Variants in SLC41A2 observed in about 807,000 individuals in gnomAD.
SLC41A2 encodes the protein SLC41A1-like 1.
SLC41A2 carries 32 observed loss-of-function variants against 58.3 expected under a neutral mutation model. The observed-to-expected ratio is 0.55, with a 90% CI of 0.41 to 0.74. SLC41A2 has a LOEUF of 0.74. Ranked by LOEUF, SLC41A2 falls within the 30% of genes least tolerant of loss-of-function variation. The pLI is 0.00. For missense variants in SLC41A2, 514 were observed against 680.6 expected, an observed-to-expected ratio of 0.76 and a Z score of 2.72; for synonymous variants, 190 against 235.0, an observed-to-expected ratio of 0.81 and a Z score of 1.75.
intron 1 of SLC41A2, among the ~76,000 whole-genome samples, chr12:104,939,012 A>C (rs1361762453): frequency 6.6e-6 from 1 of 152,208 alleles, no homozygotes; most frequent in Non-Finnish European, 1.5e-5. Flanking sequence ...TTAACACCAA[A>C]AATGTAGAAA....
At chr12:104,892,326 T>A (rs201057709) in intron 4 of SLC41A2, among the ~76,000 whole-genome samples, 7,176 of 122,888 alleles carry the variant, frequency 0.058, 755 homozygotes, top group African/African-American at 0.16. Context: ...TAAAATAAAA[T>A]AAAATAAAAT....
chr12:104,878,301 A>T (rs61938783), intron 6 of SLC41A2, among the ~76,000 whole-genome samples: 12 of 19,130 alleles, frequency 6.3e-4, no homozygotes, highest in Admixed American at 2.8e-3. Context: ...CCTGTATTTT[A>T]TATATATATA....
intron 4 of SLC41A2, among the ~76,000 whole-genome samples, chr12:104,892,386 T>A (rs2045052431): frequency 6.6e-6 from 1 of 151,916 alleles, no homozygotes; most frequent in Non-Finnish European, 1.5e-5. Flanking sequence ...AGATATTCTA[T>A]GTTCATGGAT....
intron 2 of SLC41A2, among the ~76,000 whole-genome samples, chr12:104,910,554 A>G (rs973489663): frequency 1.7e-4 from 26 of 152,196 alleles, no homozygotes; most frequent in Non-Finnish European, 2.6e-4. Context: ...CTTCTCAGCC[A>G]AGGGCATTCC....
intron 6 of SLC41A2, among the ~76,000 whole-genome samples, chr12:104,885,163 T>G (rs1279714421): frequency 6.6e-6 from 1 of 152,154 alleles, no homozygotes; most frequent in East Asian, 1.9e-4. Context: ...GAGCTTACAT[T>G]TAGGCCATTG....
At chr12:104,810,467 T>C (rs1008691823) in intron 10 of SLC41A2, among the ~76,000 whole-genome samples, 1 of 152,258 alleles carries the variant, frequency 6.6e-6, no homozygotes, top group African/African-American at 2.4e-5. Flanking sequence ...TATACACAGA[T>C]TTATATATTA....
chr12:104,935,310 T>C (rs1487855958), intron 1 of SLC41A2, among the ~76,000 whole-genome samples: 2 of 151,864 alleles, frequency 1.3e-5, no homozygotes, highest in African/African-American at 2.4e-5. Context: ...CCACAGTTAA[T>C]AATGTATTCT....
At chr12:104,882,510 C>G (rs1310648590) in intron 6 of SLC41A2, among the ~76,000 whole-genome samples, 1 of 152,064 alleles carries the variant, frequency 6.6e-6, no homozygotes, top group African/African-American at 2.4e-5. Flanking sequence ...TTAGGGCAGG[C>G]CTGGTGGTGA....
At chr12:104,824,096 G>T (rs1312067334) in intron 10 of SLC41A2, among the ~76,000 whole-genome samples, 1 of 152,174 alleles carries the variant, frequency 6.6e-6, no homozygotes, top group East Asian at 1.9e-4. Context: ...GGGAAGTGCT[G>T]TGTGGAGGAG....
In SLC41A2 at chr12:104,908,475, A is replaced by C. The variant is rs115169125; in HGVS notation, c.663+1180T>G. Among the ~76,000 whole-genome samples, 1,303 of 152,312 alleles carry C rather than the reference A, an allele frequency of 8.6e-3. 16 individuals carry two copies. Among genetic ancestry groups the C allele is most frequent in the African/African-American group, 0.029 (1,202 of 41,560 alleles). On this transcript the variant is annotated intron_variant, in intron 3 of 10. Coordinates refer to ENST00000258538, the MANE Select transcript of SLC41A2 (RefSeq NM_001352171.3). The stretch of plus-strand genomic sequence containing the variant: ...CCATTTCTTGATTACCTTTAGATAC[A>C]TAAATTTTTTCCTAATTGATACATG...
At chr12:104,922,640 G>A (rs2046652127) in intron 2 of SLC41A2, among the ~76,000 whole-genome samples, 1 of 152,092 alleles carries the variant, frequency 6.6e-6, no homozygotes, top group South Asian at 2.1e-4. Context: ...AATCAACAAA[G>A]AAACACTGGA....
At chr12:104,955,391 C>G (rs2048124782) in intron 1 of SLC41A2, among the ~76,000 whole-genome samples, 1 of 152,134 alleles carries the variant, frequency 6.6e-6, no homozygotes, top group Non-Finnish European at 1.5e-5. Flanking sequence ...TCCACTGTCC[C>G]CCAGGTGGTG....
chr12:104,804,079 G>A lies in SLC41A2; in HGVS notation c.*1073C>T, dbSNP rs1316965942. On this transcript the variant is annotated 3_prime_UTR_variant, in exon 11 of 11. Transcript: ENST00000258538. Reference sequence around the variant, plus strand: ...AATCACTTGAATCCAGGAGGTGGAGGTAGCAGTGAGCCGAGATCACACCAC... The same window carrying A: ...AATCACTTGAATCCAGGAGGTGGAGATAGCAGTGAGCCGAGATCACACCAC... 6.9e-6 allele frequency: 1 copy of A among 144,452 alleles called. No homozygotes were observed. The highest frequency in any genetic ancestry group is 1.5e-5 in the Non-Finnish European group (1 of 66,574). 8.9% of individuals were successfully genotyped at this position (144,452 alleles called of 1,614,324 possible).
At chr12:104,844,674 T>C in intron 9 of SLC41A2, 54 bp from the exon 10 acceptor site, 1 of 964,534 alleles carries the variant, frequency 1.0e-6, no homozygotes, top group Non-Finnish European at 1.4e-6. Context: ...TGGTTAATAA[T>C]AGGTCATAGT....
intron 2 of SLC41A2, among the ~76,000 whole-genome samples, chr12:104,910,186 A>C (rs17036505): frequency 0.058 from 8,758 of 152,250 alleles, 347 homozygotes; most frequent in East Asian, 0.11. Flanking sequence ...ATTACTACCT[A>C]ATTTCACAAA....
chr12:104,872,186 G>A lies in SLC41A2; in HGVS notation c.1028-5607C>T, dbSNP rs570654418. On this transcript the variant is annotated intron_variant, in intron 6 of 10. Transcript: ENST00000258538. ...TAAAAGGTATAGAACAGGAGAAGCA[G>A]GCAGAAGCTTAAGAAGGTAAGTTTC... Among the ~76,000 whole-genome samples, 50 of 152,254 alleles carry A rather than the reference G, an allele frequency of 3.3e-4. 1 individual carries two copies. The South Asian group carries it at 1.0e-2, about 30-fold the overall frequency.
At chr12:104,905,753 C>T (rs370037033) in intron 3 of SLC41A2, among the ~76,000 whole-genome samples, 2,058 of 152,360 alleles carry the variant, frequency 0.014, 24 homozygotes, top group Non-Finnish European at 0.022. Context: ...GCCACTGGCC[C>T]GGGTGCTAAG....
intron 10 of SLC41A2, among the ~76,000 whole-genome samples, chr12:104,818,911 A>C (rs1473842005): frequency 6.7e-6 from 1 of 148,358 alleles, no homozygotes; most frequent in African/African-American, 2.5e-5. Context: ...TAAAATTTAA[A>C]GAGAAAGTCA....
chr12:104,958,481 G>T (rs2048260890), upstream of SLC41A2: 2 of 152,184 alleles, frequency 1.3e-5, no homozygotes, highest in African/African-American at 4.8e-5. Context: ...ACAGCTGTCG[G>T]GAACGGGGGC....
Sources: gnomAD v4.1 joint callset for allele counts (sites outside exome capture counted in the v4.1 genomes callset) on GRCh38, gnomAD v4.1.1 for gene constraint, MANE v1.5 for transcripts, NCBI Gene and HGNC (gene_info 2026-07-23, HGNC 2026-07-21) for gene names.